The following ALG12 variants were observed in gnomAD, a reference collection of about 807,000 sequenced individuals.
ALG12 encodes the protein dol-P-Man:Man(7)GlcNAc(2)-PP-Dol alpha-1,6-mannosyltransferase.
A neutral mutation model predicts 46.0 loss-of-function variants in ALG12; 36 were observed. The observed-to-expected ratio is 0.78, with a 90% CI of 0.60 to 1.03. ALG12 has a LOEUF of 1.03. ALG12 is among the 50% of genes least tolerant of loss of function. The pLI is 0.00. For synonymous variants in ALG12, 326 were observed against 291.6 expected, an observed-to-expected ratio of 1.12 and a Z score of -1.20; for missense variants, 599 against 633.5, an observed-to-expected ratio of 0.95 and a Z score of 0.58.
the ALG12 span, chr22:49,886,954 T>A: frequency 6.2e-7 from 1 of 1,614,076 alleles, no homozygotes; most frequent in Non-Finnish European, 8.5e-7. This position sits in a 1 kb window ranked among gnomAD's most constrained non-coding sequence, Gnocchi z 7.7. Flanking sequence ...TGAACACAGC[T>A]GTGACCCGCT....
At chr22:49,897,817 G>A (rs1015794745), downstream of ALG12, among the ~76,000 whole-genome samples, 7 of 151,316 alleles carry the variant, frequency 4.6e-5, no homozygotes, top group African/African-American at 7.3e-5. Flanking sequence ...CACCACGCCC[G>A]GATAATTTTT....
intron 1 of ALG12, among the ~76,000 whole-genome samples, chr22:49,917,705 C>CTTTTTTTTTTTTTTT (rs111244256): frequency 1.4e-5 from 2 of 143,352 alleles, no homozygotes; most frequent in Admixed American, 6.9e-5. Flanking sequence ...TCAGATGTTA[C>CTTTTTTTTTTTTTTT]TTTTTTTTTT....
At chr22:49,907,696 T>C in intron 7 of ALG12, 25 bp downstream of exon 7, 2 of 1,605,730 alleles carry the variant, frequency 1.2e-6, no homozygotes, top group Non-Finnish European at 8.5e-7. Flanking sequence ...ACTATAAAAA[T>C]GCATGTCACA....
chr22:49,862,321 C>G, the ALG12 span, among the ~76,000 whole-genome samples: 1 of 152,224 alleles, frequency 6.6e-6, no homozygotes, highest in Non-Finnish European at 1.5e-5. Flanking sequence ...TTTGCTGAGA[C>G]TGGAATTGAT....
chr22:49,874,871 C>T, the ALG12 span, among the ~76,000 whole-genome samples: 5 of 151,484 alleles, frequency 3.3e-5, no homozygotes, highest in East Asian at 1.9e-4. Flanking sequence ...TTAATAGAGA[C>T]GGGGTTTCAC....
the ALG12 span, chr22:49,886,458 C>T: frequency 1.4e-4 from 225 of 1,574,002 alleles, 1 homozygote; most frequent in Admixed American, 1.0e-3. The surrounding 1 kb of genome is among the most constrained non-coding windows in gnomAD (Gnocchi z 7.7). Flanking sequence ...TCATGCAGTC[C>T]GTGTGCCGTG....
At chr22:49,912,369 A>T (rs79695893) in intron 3 of ALG12, among the ~76,000 whole-genome samples, 2,491 of 152,312 alleles carry the variant, frequency 0.016, 69 homozygotes, top group African/African-American at 0.056. Context: ...TCTTGCTGCC[A>T]ACCCTGGAAT....
chr22:49,901,866 G>T lies in ALG12; in HGVS notation c.*1972C>A, dbSNP rs1317656846. 1 of 111,300 alleles carries T rather than the reference G, an allele frequency of 9.0e-6. No homozygotes were observed. 6.9% of individuals were successfully genotyped at this position (111,300 alleles called of 1,614,324 possible). A position where few individuals can be genotyped will look rare whatever the true frequency, so the allele number is the denominator to read the frequency against. On this transcript the variant is annotated 3_prime_UTR_variant, in exon 10 of 10. Transcript: ENST00000330817. ...TGTGCACGTGTGCACTGTGTGTGGT[G>T]TGTATTCATGGTGTGTGCACGTGTG...
In ALG12 at chr22:49,903,714, G is replaced by T; in HGVS notation, c.*124C>A. 9.0e-7 allele frequency: 1 copy of T among 1,111,940 alleles called. No individual in the cohort carries two copies. Among genetic ancestry groups the T allele is most frequent in the Non-Finnish European group, 1.3e-6 (1 of 751,654 alleles). 68.9% of individuals were successfully genotyped at this position (1,111,940 alleles called of 1,614,324 possible). A position where few individuals can be genotyped will look rare whatever the true frequency, so the allele number is the denominator to read the frequency against. ...GGACCTGGTCTGGTGTCTGTCAGAG[G>T]CAGGTGCCCAGTCCTTTGACTTGCT... On this transcript the variant is annotated 3_prime_UTR_variant, in exon 10 of 10. Coordinates refer to ENST00000330817, the MANE Select transcript of ALG12 (RefSeq NM_024105.4).
intron 1 of ALG12, among the ~76,000 whole-genome samples, chr22:49,915,922 A>C (rs1372333031): frequency 2.0e-4 from 30 of 152,060 alleles, no homozygotes; most frequent in Non-Finnish European, 4.4e-5. Flanking sequence ...AATCGGTAAA[A>C]ACTCCTACAT....
chr22:49,898,428 C>A (rs1249018382), downstream of ALG12, among the ~76,000 whole-genome samples: 1 of 149,554 alleles, frequency 6.7e-6, no homozygotes, highest in African/African-American at 2.5e-5. Flanking sequence ...TTTTGCTTGT[C>A]GCCCCGGCTG....
chr22:49,913,700 A>C lies in ALG12; in HGVS notation c.66T>G (p.Thr22=). The change falls in exon 2 of 10, where the codon ACT becomes ACG. Residue 22 remains threonine (T), a synonymous_variant. Transcript: ENST00000330817. ...TGTAGGGACAGATGACCAGGTGGAC[A>C]GTGGCTACGGCCACCAGCAGCCCCA... ...LLLGLLVAVA[T]VHLVICPYTK... 1 of 1,613,704 alleles carries C rather than the reference A, an allele frequency of 6.2e-7. No homozygotes were observed.
At chr22:49,917,293 AGAACAAT>A (rs2060616903) in intron 1 of ALG12, among the ~76,000 whole-genome samples, 1 of 152,246 alleles carries the variant, frequency 6.6e-6, no homozygotes, top group East Asian at 1.9e-4. Context: ...GGTGGTTTAC[AGAACAAT>A]GGCATCTCAG....
At chr22:49,908,703 G>A (rs1008808864) in intron 6 of ALG12, among the ~76,000 whole-genome samples, 5 of 146,284 alleles carry the variant, frequency 3.4e-5, no homozygotes, top group Admixed American at 6.7e-5. Flanking sequence ...TGTAATCCCA[G>A]CACTTTGGGA....
chr22:49,886,922 C>A, the ALG12 span: 1 of 1,614,044 alleles, frequency 6.2e-7, no homozygotes, highest in Non-Finnish European at 8.5e-7. The surrounding 1 kb of genome is among the most constrained non-coding windows in gnomAD (Gnocchi z 7.7). Flanking sequence ...ATGGTGCTTG[C>A]GTATCTGGAG....
the ALG12 span, among the ~76,000 whole-genome samples, chr22:49,892,761 A>G: frequency 1.3e-5 from 2 of 152,226 alleles, no homozygotes; most frequent in African/African-American, 4.8e-5. Context: ...CCTTTCTGCT[A>G]GAGGAAAACT....
the ALG12 span, among the ~76,000 whole-genome samples, chr22:49,872,129 A>G: frequency 0.64 from 97,415 of 151,708 alleles, 35,446 homozygotes; most frequent in East Asian, 0.85. Context: ...CATTTTACCC[A>G]CAGTAGAACT....
rs562670361 is a variant in ALG12 at position 49,912,192 on chromosome 22, G to T, written c.295+1193C>A. Among the ~76,000 whole-genome samples, 33 of 152,198 alleles carry T rather than the reference G, an allele frequency of 2.2e-4. 1 individual carries two copies. In the South Asian group the frequency reaches 6.9e-3, roughly 32 times the overall value. On this transcript the variant is annotated intron_variant, in intron 3 of 9. Coordinates refer to ENST00000330817, the MANE Select transcript of ALG12 (RefSeq NM_024105.4). ...GATGACATGCTCTTCATCCAGAGAGGAAGGATTTTGGCCTGTGGCAGGGGC... is the reference window on the plus strand; with the variant it reads ...GATGACATGCTCTTCATCCAGAGAGTAAGGATTTTGGCCTGTGGCAGGGGC...
chr22:49,909,251 T>G lies in ALG12; in HGVS notation c.761A>C (p.Asn254Thr), dbSNP rs749158527. Residue 254 changes from asparagine (N) to threonine (T), a missense_variant, in exon 6 of 10, where the codon AAC becomes ACC. By Grantham distance (65) the Asn-to-Thr change is moderately conservative (BLOSUM62 0). Coordinates refer to ENST00000330817, the MANE Select transcript of ALG12 (RefSeq NM_024105.4). Reference protein sequence around the residue: ...WYNTVLNKSSNWGTSPLLWYF... With the variant: ...WYNTVLNKSSTWGTSPLLWYF... ...ACGGACACTGAAGGATACCCCCCAG[T>G]TGGAGCTTTTGTTCAGGACAGTGTT... The G allele has an allele frequency of 2.5e-6, 4 of 1,614,200 alleles. No homozygotes were observed. The highest frequency in any genetic ancestry group is 3.4e-6 in the Non-Finnish European group (4 of 1,180,016).
Sources: allele counts gnomAD v4.1 joint callset (sites outside exome capture counted in the v4.1 genomes callset), GRCh38; gene constraint gnomAD v4.1.1; non-coding constraint Gnocchi (gnomAD v3.1); transcripts MANE v1.5; gene names NCBI Gene and HGNC (gene_info 2026-07-23, HGNC 2026-07-21).